Variants in PCBP3 observed in about 807,000 individuals in gnomAD.
PCBP3 encodes poly(rC) binding protein 3.
In PCBP3, 25 loss-of-function variants were observed where a neutral mutation model predicts 52.7. The observed-to-expected ratio is 0.47, with a 90% CI of 0.35 to 0.66. PCBP3 has a LOEUF of 0.66. PCBP3 is among the 30% of genes least tolerant of loss of function. The probability of loss-of-function intolerance (pLI) is 0.01; values close to 1 mark genes in which losing one functional copy is unlikely to be tolerated. For synonymous variants in PCBP3, 162 were observed against 183.0 expected, an observed-to-expected ratio of 0.89 and a Z score of 0.93; for missense variants, 391 against 490.3, an observed-to-expected ratio of 0.80 and a Z score of 1.91.
chr21:45,918,003 A>G, intron 13 of PCBP3: 2 of 318,872 alleles, frequency 6.3e-6, no homozygotes, highest in Non-Finnish European at 1.2e-5. Flanking sequence ...AAGTTGGGTG[A>G]CATTATCAAA....
At chr21:45,934,885 C>T (rs1386934162) in intron 15 of PCBP3, among the ~76,000 whole-genome samples, 1 of 152,170 alleles carries the variant, frequency 6.6e-6, no homozygotes, top group Non-Finnish European at 1.5e-5. Context: ...TGCACAGAGA[C>T]CCTGAGACAT....
intron 4 of PCBP3, among the ~76,000 whole-genome samples, chr21:45,811,850 C>T (rs899029304): frequency 6.6e-6 from 1 of 152,136 alleles, no homozygotes; most frequent in Non-Finnish European, 1.5e-5. Flanking sequence ...CTGTTTACAC[C>T]TATTGTAATA....
chr21:45,914,385 G>A (rs1285051100), intron 12 of PCBP3: 6 of 470,950 alleles, frequency 1.3e-5, no homozygotes, highest in Non-Finnish European at 2.2e-5. Flanking sequence ...ACAGCATGGT[G>A]AGAACCAGGG....
At chr21:45,892,391 CAG>C (rs2095689193) in intron 5 of PCBP3, among the ~76,000 whole-genome samples, 1 of 134,866 alleles carries the variant, frequency 7.4e-6, no homozygotes, top group African/African-American at 3.1e-5. Flanking sequence ...AACAAGGAAA[CAG>C]AGTGCATTAG....
chr21:45,806,605 A>G (rs925724924), intron 4 of PCBP3, among the ~76,000 whole-genome samples: 1 of 151,994 alleles, frequency 6.6e-6, no homozygotes, highest in Non-Finnish European at 1.5e-5. Flanking sequence ...CACAACCTTG[A>G]AAGGTGGGTA....
At chr21:45,813,772 T>C (rs1258900463) in intron 4 of PCBP3, among the ~76,000 whole-genome samples, 1 of 152,240 alleles carries the variant, frequency 6.6e-6, no homozygotes, top group African/African-American at 2.4e-5. Flanking sequence ...AAATTTATAA[T>C]AGCTCCTTTA....
chr21:45,932,647 A>T (rs2076399896), intron 15 of PCBP3, among the ~76,000 whole-genome samples: 1 of 151,968 alleles, frequency 6.6e-6, no homozygotes, highest in Non-Finnish European at 1.5e-5. Context: ...AGATGAATGA[A>T]CACAACAGTC....
At chr21:45,875,063 G>A (rs2095200980) in intron 5 of PCBP3, among the ~76,000 whole-genome samples, 1 of 152,250 alleles carries the variant, frequency 6.6e-6, no homozygotes, top group South Asian at 2.1e-4. Flanking sequence ...CTGAGCCCGA[G>A]CAGCGCGGTC....
chr21:45,793,109 A>G (rs1294012459), intron 4 of PCBP3, among the ~76,000 whole-genome samples: 3 of 152,236 alleles, frequency 2.0e-5, no homozygotes, highest in Non-Finnish European at 4.4e-5. Context: ...AGCAGGAGAA[A>G]GCAGCAGCAA....
At chr21:45,885,353 T>C (rs1327787084) in intron 5 of PCBP3, among the ~76,000 whole-genome samples, 1 of 152,204 alleles carries the variant, frequency 6.6e-6, no homozygotes, top group African/African-American at 2.4e-5. Context: ...TTGACTACAA[T>C]GTGTGTTTGT....
intron 4 of PCBP3, among the ~76,000 whole-genome samples, chr21:45,801,518 A>C (rs2092304550): frequency 6.6e-6 from 1 of 152,180 alleles, no homozygotes; most frequent in East Asian, 1.9e-4. Context: ...TGGGTTTCAG[A>C]GAGGGGCCAC....
intron 13 of PCBP3, among the ~76,000 whole-genome samples, chr21:45,920,045 C>G (rs1229702641): frequency 3.3e-5 from 4 of 121,366 alleles, no homozygotes; most frequent in Non-Finnish European, 6.9e-5. Context: ...AGGCAGGTTC[C>G]AAAGGGGGGG....
intron 4 of PCBP3, among the ~76,000 whole-genome samples, chr21:45,797,923 A>G (rs370365663): frequency 1.1e-3 from 1 of 906 alleles, no homozygotes; most frequent in South Asian, 0.016. Flanking sequence ...AGAGAGAGTG[A>G]ATGGATGCCT....
At chr21:45,696,530 T>C (rs4819141) in intron 2 of PCBP3, among the ~76,000 whole-genome samples, 144,477 of 152,256 alleles carry the variant, frequency 0.95, 68,619 homozygotes, top group East Asian at 1. Flanking sequence ...CGGTGGTTCA[T>C]GCCTGTAATC....
intron 4 of PCBP3, among the ~76,000 whole-genome samples, chr21:45,797,647 GGA>G (rs2092011022): frequency 6.6e-6 from 1 of 150,726 alleles, no homozygotes; most frequent in Admixed American, 6.6e-5. Flanking sequence ...ATGCATGGAT[GGA>G]TAAGTGCATG....
intron 5 of PCBP3, among the ~76,000 whole-genome samples, chr21:45,890,180 TG>T (rs2095618349): frequency 6.6e-6 from 1 of 152,118 alleles, no homozygotes; most frequent in South Asian, 2.1e-4. Context: ...CATGAGAGCA[TG>T]GGGAGGGGTT....
rs984396758 is a variant in PCBP3 at position 45,791,124 on chromosome 21, G to C, written c.-126+35672G>C. Among the ~76,000 whole-genome samples the C allele has an allele frequency of 6.6e-6, 1 of 152,164 alleles. No homozygotes were observed. The highest frequency in any genetic ancestry group is 6.5e-5 in the Admixed American group (1 of 15,280). On this transcript the variant is annotated intron_variant, in intron 4 of 17. Transcript: ENST00000681687. This position sits in a 1 kb window ranked among gnomAD's most constrained non-coding sequence, Gnocchi z 4.2. ...AGTGGCGAAGGTGCAGAGATGGTGGGGTCCATCCCAGGAAGCCCCTCACAA... is the reference window on the plus strand; with the variant it reads ...AGTGGCGAAGGTGCAGAGATGGTGGCGTCCATCCCAGGAAGCCCCTCACAA...
intron 3 of PCBP3, among the ~76,000 whole-genome samples, chr21:45,743,290 T>G (rs1184294464): frequency 1.3e-5 from 2 of 152,216 alleles, no homozygotes; most frequent in Non-Finnish European, 2.9e-5. Context: ...GGTTTTCAGG[T>G]GAAATTTGAC....
chr21:45,790,241 G>A (rs1192331509), intron 4 of PCBP3, among the ~76,000 whole-genome samples: 1 of 152,162 alleles, frequency 6.6e-6, no homozygotes. Flanking sequence ...TCCCGAGGAC[G>A]TCATGAGAGG....
Sources: allele counts gnomAD v4.1 joint callset (sites outside exome capture counted in the v4.1 genomes callset), GRCh38; gene constraint gnomAD v4.1.1; non-coding constraint Gnocchi (gnomAD v3.1); transcripts MANE v1.5; gene names NCBI Gene and HGNC (gene_info 2026-07-23, HGNC 2026-07-21).